Variants in P2RY2 observed in about 807,000 individuals in gnomAD.
P2RY2 encodes P2Y purinoceptor 2.
For missense variants in P2RY2, 567 were observed against 515.7 expected, an observed-to-expected ratio of 1.10 and a Z score of -0.96; for synonymous variants, 241 against 231.9, an observed-to-expected ratio of 1.04 and a Z score of -0.35.
At position 73,240,575 on chromosome 11, in the gene P2RY2, G is replaced by A. The variant is rs1055609206; in HGVS notation, c.*5282G>A. The A allele has an allele frequency of 6.6e-6, 1 of 152,314 alleles. No individual in the cohort carries two copies. Among genetic ancestry groups the A allele is most frequent in the Admixed American group, 6.5e-5 (1 of 15,288 alleles). The allele number at this position is 152,314 out of a possible 1,614,324, so 9.4% of individuals were successfully genotyped here. On this transcript the variant is annotated 3_prime_UTR_variant, in exon 3 of 3. Transcript: ENST00000393597. ...CAGGGACCCCAGGGATTGTTTGGCT[G>A]CTTAGTGGGACTGGTGGCCCAGAGA...
chr11:73,227,924 C>T (rs892341089), intron 1 of P2RY2, 57 bp from the exon 2 acceptor site: 5 of 152,206 alleles, frequency 3.3e-5, no homozygotes, highest in African/African-American at 1.2e-4. Flanking sequence ...GGGGATTGAC[C>T]TGGGTAGGTT....
chr11:73,227,836 C>T (rs1231334786), intron 1 of P2RY2, 145 bp from the exon 2 acceptor site: 1 of 152,176 alleles, frequency 6.6e-6, no homozygotes, highest in East Asian at 1.9e-4. Flanking sequence ...GTACAGAAGG[C>T]ACTCAGACCA....
intron 1 of P2RY2, 113 bp from the exon 2 acceptor site, chr11:73,227,868 T>C (rs73538710): frequency 0.027 from 4,114 of 152,258 alleles, 190 homozygotes; most frequent in African/African-American, 0.095. Flanking sequence ...AGGCCACCTC[T>C]CTGCCTCCTT....
Position 73,234,371 on chromosome 11 carries a change from A to G in P2RY2, c.212A>G (p.Tyr71Cys), listed in dbSNP as rs749771478. Residue 71 changes from tyrosine (Y) to cysteine (C), a missense_variant, in exon 3 of 3, where the codon TAT (tyrosine) becomes TGT (cysteine). By Grantham distance (194) the Tyr-to-Cys change is radical (BLOSUM62 -2). Transcript: ENST00000393597. ...RLKTWNASTT[Y>C]MFHLAVSDAL... ...AAGACCTGGAATGCGTCCACCACAT[A>G]TATGTTCCACCTGGCTGTGTCTGAT... The G allele has an allele frequency of 1.9e-6, 3 of 1,614,026 alleles. No homozygotes were observed. The highest frequency in any genetic ancestry group is 1.7e-5 in the Admixed American group (1 of 60,008).
At chr11:73,224,941 A>G (rs1460370211) in intron 1 of P2RY2, among the ~76,000 whole-genome samples, 1 of 152,180 alleles carries the variant, frequency 6.6e-6, no homozygotes, top group African/African-American at 2.4e-5. Flanking sequence ...GGAAATTGAG[A>G]TCTGGGTTTT....
chr11:73,236,430 T>C lies in P2RY2; in HGVS notation c.*1137T>C. The C allele has an allele frequency of 1.9e-6, 1 of 513,498 alleles. No homozygotes were observed. The highest frequency in any genetic ancestry group is 2.6e-6 in the Non-Finnish European group (1 of 391,536). The allele number at this position is 513,498 out of a possible 1,614,324, so 31.8% of individuals were successfully genotyped here. ...ACACCACTGGATAATGCCGAGTGGC[T>C]GGGGCTGTGAGCCAGGGGGTCAGGG... On this transcript the variant is annotated 3_prime_UTR_variant, in exon 3 of 3. Coordinates refer to ENST00000393597, the MANE Select transcript of P2RY2 (RefSeq NM_002564.4).
intron 1 of P2RY2, among the ~76,000 whole-genome samples, chr11:73,224,634 G>A (rs1197824105): frequency 1.3e-5 from 2 of 152,216 alleles, no homozygotes; most frequent in Non-Finnish European, 2.9e-5. Flanking sequence ...GGGTGAGCGA[G>A]TGAAAGAGTA....
Position 73,238,219 on chromosome 11 carries a change from A to G in P2RY2, c.*2926A>G, listed in dbSNP as rs1049186875. ...CAGGGTGACTGGGATGGAGCCATAG[A>G]CCTGAGGCCAGGGACAGGACAGGGA... On this transcript the variant is annotated 3_prime_UTR_variant, in exon 3 of 3. Transcript: ENST00000393597. Among the ~76,000 whole-genome samples the G allele has an allele frequency of 6.6e-6, 1 of 152,100 alleles. No individual in the cohort carries two copies. The highest frequency in any genetic ancestry group is 2.4e-5 in the African/African-American group (1 of 41,406).
Position 73,234,300 on chromosome 11 carries a change from G to A in P2RY2, c.141G>A (p.Gly47=). 6.2e-7 allele frequency: 1 copy of A among 1,613,792 alleles called. No homozygotes were observed. Among genetic ancestry groups the A allele is most frequent in the African/African-American group, 1.3e-5 (1 of 75,034 alleles). Residue 47 remains glycine, a synonymous_variant, in exon 3 of 3, where the codon GGG becomes GGA. Coordinates refer to ENST00000393597, the MANE Select transcript of P2RY2 (RefSeq NM_002564.4). ...PVSYGVVCVP[G]LCLNAVALYI... is the part of the protein sequence containing the mutation. ...CCTACGGCGTGGTGTGCGTGCCTGGGCTGTGTCTGAACGCCGTGGCGCTCT... is the reference window on the plus strand; with the variant it reads ...CCTACGGCGTGGTGTGCGTGCCTGGACTGTGTCTGAACGCCGTGGCGCTCT...
chr11:73,232,512 G>C (rs955905365), intron 2 of P2RY2, among the ~76,000 whole-genome samples: 1 of 151,984 alleles, frequency 6.6e-6, no homozygotes, highest in African/African-American at 2.4e-5. Flanking sequence ...CCTGGGCCCA[G>C]GTGATCCTCC....
rs560732428 is a variant in P2RY2, at chr11:73,236,323, T to C, written c.*1030T>C. The C allele has an allele frequency of 2.6e-4, 106 of 401,496 alleles. No individual in the cohort carries two copies. The highest frequency in any genetic ancestry group is 2.2e-3 in the African/African-American group (100 of 46,066). The allele number at this position is 401,496 out of a possible 1,614,324, so 24.9% of individuals were successfully genotyped here. ...AAAACTCTTATGGCCAAATTCAAAC[T>C]ATAAACATGATGTCAACTTCCTTGT... On this transcript the variant is annotated 3_prime_UTR_variant, in exon 3 of 3. Coordinates refer to ENST00000393597, the MANE Select transcript of P2RY2 (RefSeq NM_002564.4).
chr11:73,236,994 C>T lies in P2RY2; in HGVS notation c.*1701C>T. 1 of 985,306 alleles carries T rather than the reference C, an allele frequency of 1.0e-6. No homozygotes were observed. The highest frequency in any genetic ancestry group is 1.2e-6 in the Non-Finnish European group (1 of 829,882). 61.0% of individuals were successfully genotyped at this position (985,306 alleles called of 1,614,324 possible). A position where few individuals can be genotyped will look rare whatever the true frequency, so the allele number is the denominator to read the frequency against. ...TCTGGGAGAGCCCTCGCCCTGTGGC[C>T]CACTCTGCCTGCCCCCTCTGACCTC... On this transcript the variant is annotated 3_prime_UTR_variant, in exon 3 of 3. Transcript: ENST00000393597.
At chr11:73,223,839 G>A (rs1862196417) in intron 1 of P2RY2, among the ~76,000 whole-genome samples, 1 of 152,188 alleles carries the variant, frequency 6.6e-6, no homozygotes, top group South Asian at 2.1e-4. Context: ...TGTTGGGGGT[G>A]AGGTGGTCAA....
At chr11:73,230,089 G>T (rs958137493) in intron 2 of P2RY2, among the ~76,000 whole-genome samples, 4 of 151,970 alleles carry the variant, frequency 2.6e-5, no homozygotes, top group African/African-American at 9.7e-5. Context: ...AAGGAATGTG[G>T]CCTCTCCGTA....
At chr11:73,219,221 T>G (rs1168584896) in intron 1 of P2RY2, among the ~76,000 whole-genome samples, 2 of 152,118 alleles carry the variant, frequency 1.3e-5, no homozygotes, top group African/African-American at 4.8e-5. Flanking sequence ...ATCTGCCTGG[T>G]TTGTTTTGGA....
rs114860966 is a variant in P2RY2, at chr11:73,236,868, C to T, written c.*1575C>T. 2,125 of 985,288 alleles carry T rather than the reference C, an allele frequency of 2.2e-3. 50 individuals carry two copies. In the African/African-American group the frequency reaches 0.034, roughly 16 times the overall value. 61.0% of individuals were successfully genotyped at this position (985,288 alleles called of 1,614,324 possible). On this transcript the variant is annotated 3_prime_UTR_variant, in exon 3 of 3. Transcript: ENST00000393597. ...AGGACCACTCTGGGCTGACGTGTGG[C>T]GCTCAGCTGGACAGGGCCCCGCCCT...
At position 73,235,733 on chromosome 11, in the gene P2RY2, A is replaced by C. The variant is rs1475744281; in HGVS notation, c.*440A>C. 1 of 1,005,898 alleles carries C rather than the reference A, an allele frequency of 9.9e-7. No individual in the cohort carries two copies. The highest frequency in any genetic ancestry group is 6.0e-5 in the Admixed American group (1 of 16,628). 62.3% of individuals were successfully genotyped at this position (1,005,898 alleles called of 1,614,324 possible). On this transcript the variant is annotated 3_prime_UTR_variant, in exon 3 of 3. Coordinates refer to ENST00000393597, the MANE Select transcript of P2RY2 (RefSeq NM_002564.4). ...GGGGCCAAGTCACAGGTTGGCCAGA[A>C]AACCCTGGTAAGTAATGAGGGCTGA...
chr11:73,232,416 AC>A (rs1300945725), intron 2 of P2RY2, among the ~76,000 whole-genome samples: 1 of 145,116 alleles, frequency 6.9e-6, no homozygotes, highest in Non-Finnish European at 1.5e-5. Flanking sequence ...AAGTGTAGTA[AC>A]TTTTTTTTTT....
chr11:73,219,391 A>C (rs1251208118), intron 1 of P2RY2, among the ~76,000 whole-genome samples: 1 of 152,234 alleles, frequency 6.6e-6, no homozygotes, highest in African/African-American at 2.4e-5. Flanking sequence ...TGTCTTGGCC[A>C]CTGTGTGGCC....
Sources: allele counts gnomAD v4.1 joint callset (sites outside exome capture counted in the v4.1 genomes callset), GRCh38; gene constraint gnomAD v4.1.1; transcripts MANE v1.5; gene names NCBI Gene and HGNC (gene_info 2026-07-23, HGNC 2026-07-21).